ADGRL3: variants seen among roughly 807,000 people sequenced by gnomAD.
The protein encoded by ADGRL3 is adhesion G protein-coupled receptor L3.
Under a neutral mutation model 153.5 loss-of-function variants are expected in ADGRL3, and 62 were observed. That is an observed-to-expected ratio of 0.40 (90% CI 0.33 to 0.50). The LOEUF (loss-of-function observed/expected upper bound fraction) is 0.50. Among genes scored for constraint, ADGRL3 ranks in the 20% least tolerant of loss-of-function variants. ADGRL3 has a pLI of 0.47. For missense variants in ADGRL3, 1,641 were observed against 1,859.4 expected (o/e 0.88, Z 2.16); for synonymous variants, 710 against 672.5 (o/e 1.06, Z -0.86).
chr4:61,772,159 G>C (rs954664105), intron 8 of ADGRL3, among the ~76,000 whole-genome samples: 5 of 152,184 alleles, frequency 3.3e-5, no homozygotes, highest in Non-Finnish European at 7.3e-5. Flanking sequence ...CCAAATTTGT[G>C]AGAGTCACAA....
At chr4:61,846,120 G>GCCTGGACAACATAGTGA (rs951288364) in intron 9 of ADGRL3, among the ~76,000 whole-genome samples, 1 of 152,026 alleles carries the variant, frequency 6.6e-6, no homozygotes, top group Non-Finnish European at 1.5e-5. Context: ...GTCAACACCA[G>GCCTGGACAACATAGTGA]CCTGGACAAC....
chr4:61,350,716 T>C lies in ADGRL3; in HGVS notation c.-239-32408T>C, dbSNP rs543020231. On this transcript the variant is annotated intron_variant, in intron 1 of 26. Coordinates refer to ENST00000683033, the MANE Select transcript of ADGRL3 (RefSeq NM_001387552.1). ...GATCAGTTATCTTTGATGTTACTAC[T>C]GTTATTACTCTGGGGCATGATGAGC... Among the ~76,000 whole-genome samples the C allele has an allele frequency of 5.7e-4, 87 of 152,312 alleles. 1 individual carries two copies. The highest frequency in any genetic ancestry group is 2.0e-3 in the African/African-American group (82 of 41,566).
At chr4:61,671,637 G>C (rs1387902179) in intron 5 of ADGRL3, among the ~76,000 whole-genome samples, 2 of 152,050 alleles carry the variant, frequency 1.3e-5, no homozygotes, top group African/African-American at 4.8e-5. Flanking sequence ...AATTCAAATT[G>C]TGAGGGCCTG....
chr4:61,616,470 T>G (rs1560941186), intron 5 of ADGRL3, among the ~76,000 whole-genome samples: 1 of 152,150 alleles, frequency 6.6e-6, no homozygotes, highest in Non-Finnish European at 1.5e-5. Context: ...CCTTAAGATA[T>G]CATGTAGAAT....
At chr4:62,006,141 TCTCCTGCCTCAGC>T (rs2099158342) in intron 21 of ADGRL3, among the ~76,000 whole-genome samples, 1 of 150,280 alleles carries the variant, frequency 6.7e-6, no homozygotes, top group South Asian at 2.1e-4. Flanking sequence ...TTTAAGGGAT[TCTCCTGCCTCAGC>T]CTCCCAAGTA....
chr4:61,328,760 C>A (rs553930258), intron 1 of ADGRL3, among the ~76,000 whole-genome samples: 1 of 152,168 alleles, frequency 6.6e-6, no homozygotes, highest in East Asian at 1.9e-4. Flanking sequence ...TTAGATGATA[C>A]AATTGGCCTC....
At chr4:61,958,389 CT>C (rs1174611620) in intron 17 of ADGRL3, among the ~76,000 whole-genome samples, 2 of 103,196 alleles carry the variant, frequency 1.9e-5, no homozygotes, top group South Asian at 3.8e-4. Flanking sequence ...TTCTTTCTTT[CT>C]TTCTTTCTTT....
At chr4:61,689,858 A>G (rs999540635) in intron 6 of ADGRL3, among the ~76,000 whole-genome samples, 7 of 152,106 alleles carry the variant, frequency 4.6e-5, no homozygotes, top group Non-Finnish European at 7.4e-5. Flanking sequence ...TTCTTTACCT[A>G]TGATTGGTTC....
chr4:61,619,232 C>A (rs1314136623), intron 5 of ADGRL3, among the ~76,000 whole-genome samples: 3 of 152,196 alleles, frequency 2.0e-5, no homozygotes, highest in East Asian at 1.9e-4. Flanking sequence ...TGTGCATAGA[C>A]CGTACAAAGT....
intron 1 of ADGRL3, among the ~76,000 whole-genome samples, chr4:61,263,378 T>G (rs2149639994): frequency 6.6e-6 from 1 of 151,794 alleles, no homozygotes; most frequent in South Asian, 2.1e-4. Flanking sequence ...GGGAGAAACC[T>G]GGTAACTGGG....
chr4:61,354,877 A>G (rs2096131845), intron 1 of ADGRL3, among the ~76,000 whole-genome samples: 1 of 151,954 alleles, frequency 6.6e-6, no homozygotes, highest in African/African-American at 2.4e-5. Context: ...TAGTTTTGTG[A>G]CCTTTGTTTC....
At chr4:61,634,002 T>C (rs2093304833) in intron 5 of ADGRL3, among the ~76,000 whole-genome samples, 1 of 152,034 alleles carries the variant, frequency 6.6e-6, no homozygotes, top group South Asian at 2.1e-4. Flanking sequence ...CTAATACCAA[T>C]TTTTCTTACT....
intron 4 of ADGRL3, among the ~76,000 whole-genome samples, chr4:61,526,766 AAAAT>A (rs1455992729): frequency 6.6e-6 from 1 of 152,094 alleles, no homozygotes; most frequent in Non-Finnish European, 1.5e-5. Flanking sequence ...CCTACCTCAA[AAAAT>A]AAATAAATAC....
At chr4:61,371,496 G>A (rs1162477367) in intron 1 of ADGRL3, among the ~76,000 whole-genome samples, 1 of 151,202 alleles carries the variant, frequency 6.6e-6, no homozygotes, top group Non-Finnish European at 1.5e-5. Flanking sequence ...ATGAAGCTTA[G>A]TTTGGCTGGA....
At chr4:61,592,791 A>G (rs1459610786) in intron 5 of ADGRL3, among the ~76,000 whole-genome samples, 2 of 152,166 alleles carry the variant, frequency 1.3e-5, no homozygotes, top group Non-Finnish European at 2.9e-5. Flanking sequence ...AATTTAGTAA[A>G]TGATTCAAAT....
chr4:61,372,394 A>G (rs1339149792), intron 1 of ADGRL3, among the ~76,000 whole-genome samples: 1 of 151,906 alleles, frequency 6.6e-6, no homozygotes, highest in African/African-American at 2.4e-5. Context: ...ATGGTGATGT[A>G]CAGATGGGTT....
Position 61,582,608 on chromosome 4 carries a change from T to C in ADGRL3, c.260-4619T>C, listed in dbSNP as rs2098930509. On this transcript the variant is annotated intron_variant, in intron 4 of 26. Transcript: ENST00000683033. ...TACCATTAATGTGTAGCCCTCATTT[T>C]TGACTGGATCGCTAAATATGTAGAG... is the stretch of plus-strand genomic sequence containing the variant. 2.0e-5 allele frequency among the ~76,000 whole-genome samples: 3 copies of C among 152,156 alleles called. No homozygotes were observed. In the East Asian group the frequency reaches 5.8e-4, roughly 29 times the overall value.
chr4:62,064,345 A>AG (rs1224932457), intron 25 of ADGRL3, among the ~76,000 whole-genome samples: 2 of 151,934 alleles, frequency 1.3e-5, no homozygotes, highest in African/African-American at 4.8e-5. Context: ...CAGAAAAAAA[A>AG]AAACCACCAT....
intron 8 of ADGRL3, among the ~76,000 whole-genome samples, chr4:61,734,271 C>T (rs1014290432): frequency 6.6e-6 from 1 of 151,678 alleles, no homozygotes; most frequent in Non-Finnish European, 1.5e-5. Context: ...TTTATGTACT[C>T]AACTGAACAC....
Sources: allele counts gnomAD v4.1 joint callset (sites outside exome capture counted in the v4.1 genomes callset), GRCh38; gene constraint gnomAD v4.1.1; transcripts MANE v1.5; gene names NCBI Gene and HGNC (gene_info 2026-07-23, HGNC 2026-07-21).